NAV2: variants seen among roughly 807,000 people sequenced by gnomAD.
NAV2 encodes helicase, APC down-regulated 1.
NAV2 carries 54 observed loss-of-function variants against 223.2 expected under a neutral mutation model. The ratio of observed to expected loss-of-function variants is 0.24; its 90% CI spans 0.19 to 0.30. NAV2 has a LOEUF of 0.30. Ranked by LOEUF, NAV2 falls within the 10% of genes least tolerant of loss-of-function variation. NAV2 has a pLI of 1.00. For synonymous variants in NAV2, 1,279 were observed against 1,239.3 expected (o/e 1.03, Z -0.67); for missense variants, 2,806 against 3,147.5 (o/e 0.89, Z 2.60).
At chr11:20,110,028 G>A (rs1360822841) in intron 36 of NAV2, among the ~76,000 whole-genome samples, 1 of 152,238 alleles carries the variant, frequency 6.6e-6, no homozygotes, top group African/African-American at 2.4e-5. Context: ...CCTAGGAGAG[G>A]TTGCTGATGG....
At chr11:19,354,334 C>T (rs939831949) in intron 1 of NAV2, among the ~76,000 whole-genome samples, 6 of 152,218 alleles carry the variant, frequency 3.9e-5, no homozygotes, top group African/African-American at 9.6e-5. Flanking sequence ...TATCTGGCTA[C>T]GGAGCACTTG....
At chr11:19,603,645 A>AG (rs1308389119) in intron 1 of NAV2, among the ~76,000 whole-genome samples, 6 of 151,542 alleles carry the variant, frequency 4.0e-5, no homozygotes, top group African/African-American at 9.7e-5. Flanking sequence ...AAAAAAAAAA[A>AG]AAAAGAAAAA....
intron 1 of NAV2, among the ~76,000 whole-genome samples, chr11:19,406,288 C>G (rs1173881581): frequency 6.6e-6 from 1 of 152,136 alleles, no homozygotes; most frequent in African/African-American, 2.4e-5. Context: ...ACAGGTGGCT[C>G]TATTTTTTCT....
intron 1 of NAV2, among the ~76,000 whole-genome samples, chr11:19,428,172 T>G (rs976282389): frequency 3.9e-5 from 6 of 152,188 alleles, no homozygotes; most frequent in African/African-American, 1.4e-4. Flanking sequence ...AACCCAGAAG[T>G]CAGGGTTTTT....
At chr11:19,525,278 G>A (rs926211242) in intron 1 of NAV2, among the ~76,000 whole-genome samples, 1 of 152,212 alleles carries the variant, frequency 6.6e-6, no homozygotes, top group Admixed American at 6.5e-5. Context: ...GAAGCCACGT[G>A]TTGGTCTCCA....
At chr11:19,650,373 G>A (rs1299665299) in intron 1 of NAV2, among the ~76,000 whole-genome samples, 1 of 152,174 alleles carries the variant, frequency 6.6e-6, no homozygotes, top group Non-Finnish European at 1.5e-5. Flanking sequence ...AGCTGGAAGA[G>A]ACAAGGAAGA....
At chr11:19,378,569 G>A (rs1429019277) in intron 1 of NAV2, among the ~76,000 whole-genome samples, 2 of 146,486 alleles carry the variant, frequency 1.4e-5, no homozygotes, top group Admixed American at 6.8e-5. Flanking sequence ...CGTGATAACA[G>A]CATCTCCTTC....
chr11:19,811,820 T>G (rs2058848679), intron 1 of NAV2, among the ~76,000 whole-genome samples: 1 of 152,224 alleles, frequency 6.6e-6, no homozygotes, highest in Non-Finnish European at 1.5e-5. Flanking sequence ...GGATGGTACT[T>G]AAGCTTGGTA....
At chr11:19,773,301 A>G (rs2055868152) in intron 1 of NAV2, among the ~76,000 whole-genome samples, 1 of 152,206 alleles carries the variant, frequency 6.6e-6, no homozygotes, top group African/African-American at 2.4e-5. Flanking sequence ...GGAACAGAGG[A>G]CACCACTCAG....
At chr11:19,665,606 C>T (rs1043089358) in intron 1 of NAV2, among the ~76,000 whole-genome samples, 5 of 152,186 alleles carry the variant, frequency 3.3e-5, no homozygotes, top group Non-Finnish European at 7.3e-5. Flanking sequence ...CCCTAAGAGA[C>T]TGTAGATGCT....
At chr11:20,079,777 C>A (rs1439437805) in intron 24 of NAV2, among the ~76,000 whole-genome samples, 2 of 152,108 alleles carry the variant, frequency 1.3e-5, no homozygotes, top group African/African-American at 4.8e-5. Flanking sequence ...CACATTTCCA[C>A]ACCTATCTAA....
intron 10 of NAV2, among the ~76,000 whole-genome samples, chr11:19,975,673 T>A (rs1420061958): frequency 6.6e-6 from 1 of 152,202 alleles, no homozygotes; most frequent in East Asian, 1.9e-4. Context: ...GTGCTAAAAC[T>A]CAGGGTAACG....
intron 24 of NAV2, 45 bp from the exon 25 acceptor site, chr11:20,080,019 G>C: frequency 2.5e-6 from 4 of 1,605,006 alleles, no homozygotes; most frequent in Non-Finnish European, 3.4e-6. Flanking sequence ...ATAAAGAATA[G>C]GGCTCAGGTT....
At chr11:19,910,557 G>A (rs2043219278) in intron 6 of NAV2, among the ~76,000 whole-genome samples, 1 of 152,150 alleles carries the variant, frequency 6.6e-6, no homozygotes, top group Admixed American at 6.5e-5. Flanking sequence ...ATATCAGCAT[G>A]TTAAGAAAAA....
chr11:20,037,709 A>G (rs2056524312), intron 12 of NAV2, among the ~76,000 whole-genome samples: 1 of 152,232 alleles, frequency 6.6e-6, no homozygotes, highest in Non-Finnish European at 1.5e-5. Context: ...ACTTTACTGT[A>G]CAAAAACCAA....
chr11:19,402,809 T>C (rs909446425), intron 1 of NAV2, among the ~76,000 whole-genome samples: 1 of 152,200 alleles, frequency 6.6e-6, no homozygotes, highest in Non-Finnish European at 1.5e-5. Flanking sequence ...GCATGGCACA[T>C]TGTGGGTTCT....
At chr11:19,638,475 T>G (rs2047566030) in intron 1 of NAV2, among the ~76,000 whole-genome samples, 1 of 152,216 alleles carries the variant, frequency 6.6e-6, no homozygotes, top group South Asian at 2.1e-4. Context: ...TTACTAACCA[T>G]GTGATTTGGA....
chr11:19,419,528 T>C (rs1590170492), intron 1 of NAV2, among the ~76,000 whole-genome samples: 1 of 152,148 alleles, frequency 6.6e-6, no homozygotes, highest in Admixed American at 6.5e-5. Context: ...CCGTGGCAGG[T>C]GGGGCTTCGA....
intron 1 of NAV2, among the ~76,000 whole-genome samples, chr11:19,756,483 G>A (rs933844059): frequency 6.6e-6 from 1 of 152,164 alleles, no homozygotes; most frequent in Non-Finnish European, 1.5e-5. Flanking sequence ...GTCATGAAGG[G>A]TGACTGAGGG....
Sources: gnomAD v4.1 joint callset for allele counts (sites outside exome capture counted in the v4.1 genomes callset) on GRCh38, gnomAD v4.1.1 for gene constraint, MANE v1.5 for transcripts, NCBI Gene and HGNC (gene_info 2026-07-23, HGNC 2026-07-21) for gene names.